Variants in OSBPL3 observed in about 807,000 individuals in gnomAD.
The protein encoded by OSBPL3 is oxysterol-binding protein-related protein 3.
In OSBPL3, 65 loss-of-function variants were observed where a neutral mutation model predicts 120.1. The observed-to-expected ratio is 0.54, with a 90% CI of 0.44 to 0.67. OSBPL3 has a LOEUF of 0.67. OSBPL3 is among the 30% of genes least tolerant of loss of function. The probability of loss-of-function intolerance (pLI) is 0.00; values close to 1 mark genes in which losing one functional copy is unlikely to be tolerated. For synonymous variants in OSBPL3, 416 were observed against 402.6 expected, an observed-to-expected ratio of 1.03 and a Z score of -0.40; for missense variants, 1,004 against 1,082.1, an observed-to-expected ratio of 0.93 and a Z score of 1.01.
At position 24,808,089 on chromosome 7, in the gene OSBPL3, T is replaced by C. The variant is rs1793297196; in HGVS notation, c.2318-1187A>G. Among the ~76,000 whole-genome samples, 1 of 152,134 alleles carries C rather than the reference T, an allele frequency of 6.6e-6. No homozygotes were observed. The highest frequency in any genetic ancestry group is 2.1e-4 in the South Asian group (1 of 4,824). Reference sequence around the variant, plus strand: ...CTAATCTTTGTATTTTTAGTAGAGATGAGATTTTGCCATGTTGTCCAGAGC... The same window carrying C: ...CTAATCTTTGTATTTTTAGTAGAGACGAGATTTTGCCATGTTGTCCAGAGC... On this transcript the variant is annotated intron_variant, in intron 20 of 22. Coordinates refer to ENST00000313367, the MANE Select transcript of OSBPL3 (RefSeq NM_015550.4). This position sits in a 1 kb window ranked among gnomAD's most constrained non-coding sequence, Gnocchi z 4.6.
chr7:24,821,571 C>T lies in OSBPL3; in HGVS notation c.1885-1333G>A, dbSNP rs1357133361. ...GACTGCACGGCTGGGAGGATGTGGT[C>T]ACACACGCCACACCCAGATGTGACT... On this transcript the variant is annotated intron_variant, in intron 16 of 22. Coordinates refer to ENST00000313367, the MANE Select transcript of OSBPL3 (RefSeq NM_015550.4). This position sits in a 1 kb window ranked among gnomAD's most constrained non-coding sequence, Gnocchi z 5.5. Among the ~76,000 whole-genome samples, 1 of 152,138 alleles carries T rather than the reference C, an allele frequency of 6.6e-6. No individual in the cohort carries two copies. The highest frequency in any genetic ancestry group is 1.9e-4 in the East Asian group (1 of 5,184).
In OSBPL3 at chr7:24,947,678, T is replaced by C. The variant is rs1813886130; in HGVS notation, c.-150+32208A>G. On this transcript the variant is annotated intron_variant, in intron 1 of 22. Coordinates refer to ENST00000313367, the MANE Select transcript of OSBPL3 (RefSeq NM_015550.4). The surrounding 1 kb of genome is among the most constrained non-coding windows in gnomAD (Gnocchi z 4.4). ...TTCTGAGTAGATAGCACAGTATTTA[T>C]TGAAATTTGAACATTAGAAATATGC... 6.6e-6 allele frequency among the ~76,000 whole-genome samples: 1 copy of C among 152,170 alleles called. No individual in the cohort carries two copies. The highest frequency in any genetic ancestry group is 2.4e-5 in the African/African-American group (1 of 41,426).
chr7:24,861,296 G>A (rs1182332098), intron 10 of OSBPL3, among the ~76,000 whole-genome samples: 1 of 152,168 alleles, frequency 6.6e-6, no homozygotes, highest in African/African-American at 2.4e-5. Context: ...TAGATAGGCA[G>A]ATTTTAAAAA....
chr7:24,844,494 A>C (rs1275190842), intron 12 of OSBPL3, among the ~76,000 whole-genome samples: 1 of 152,110 alleles, frequency 6.6e-6, no homozygotes, highest in African/African-American at 2.4e-5. Flanking sequence ...GGAAACCCCT[A>C]AATTAAATAA....
chr7:24,969,634 A>G (rs765047402), intron 1 of OSBPL3, among the ~76,000 whole-genome samples: 2 of 152,084 alleles, frequency 1.3e-5, no homozygotes, highest in African/African-American at 2.4e-5. Context: ...GCCTGATTTT[A>G]CCAACACCAT....
rs1379725302 is a variant in OSBPL3, at chr7:24,939,695, T to C, written c.-150+40191A>G. Among the ~76,000 whole-genome samples the C allele has an allele frequency of 1.3e-5, 2 of 152,134 alleles. No homozygotes were observed. The highest frequency in any genetic ancestry group is 4.8e-5 in the African/African-American group (2 of 41,410). ...TTACTTGCAGCCAAAATCACCCTAATAGTCAACAGTATCAAACATTAACAG... is the reference window on the plus strand; with the variant it reads ...TTACTTGCAGCCAAAATCACCCTAACAGTCAACAGTATCAAACATTAACAG... On this transcript the variant is annotated intron_variant, in intron 1 of 22. Transcript: ENST00000313367. This position sits in a 1 kb window ranked among gnomAD's most constrained non-coding sequence, Gnocchi z 4.2.
In OSBPL3 at chr7:24,938,833, GTT is replaced by G. The variant is rs1162993916; in HGVS notation, c.-150+41051_-150+41052del. ...TGTGTGTGTGTGTGTGTGTGTGTGT[GTT>G]TTGAGAGCAAAACTAATGTGGCCAA... On this transcript the variant is annotated intron_variant, in intron 1 of 22. Transcript: ENST00000313367. This position sits in a 1 kb window ranked among gnomAD's most constrained non-coding sequence, Gnocchi z 5.8. Among the ~76,000 whole-genome samples the G allele has an allele frequency of 1.5e-5, 2 of 136,460 alleles. No individual in the cohort carries two copies. Among genetic ancestry groups the G allele is most frequent in the African/African-American group, 5.4e-5 (2 of 36,858 alleles). 89.5% of individuals were successfully genotyped at this position (136,460 alleles called of 152,430 possible). A position where few individuals can be genotyped will look rare whatever the true frequency, so the allele number is the denominator to read the frequency against.
rs1342944076 is a variant in OSBPL3, at chr7:24,854,468, TAAC to T, written c.1028-1837_1028-1835del. ...ATTTAGTGATGGACCTGAAACATCT[TAAC>T]AAAGTCACAACAATTTGTACACACA... On this transcript the variant is annotated intron_variant, in intron 10 of 22. Transcript: ENST00000313367. This position sits in a 1 kb window ranked among gnomAD's most constrained non-coding sequence, Gnocchi z 4.1. 6.7e-6 allele frequency among the ~76,000 whole-genome samples: 1 copy of T among 149,658 alleles called. No individual in the cohort carries two copies. The highest frequency in any genetic ancestry group is 1.5e-5 in the Non-Finnish European group (1 of 67,658).
chr7:24,871,812 A>T lies in OSBPL3; in HGVS notation c.214-17T>A. ...GAAGAATCTCTGTGGGGAAGAAAGT[A>T]TTATTAATTAAGGCATTCAATTTAG... On this transcript the variant is annotated splice_polypyrimidine_tract_variant and intron_variant, in intron 3 of 22. Coordinates refer to ENST00000313367, the MANE Select transcript of OSBPL3 (RefSeq NM_015550.4). This position sits in a 1 kb window ranked among gnomAD's most constrained non-coding sequence, Gnocchi z 4.8. 1 of 1,599,338 alleles carries T rather than the reference A, an allele frequency of 6.3e-7. No individual in the cohort carries two copies. Among genetic ancestry groups the T allele is most frequent in the South Asian group, 1.1e-5 (1 of 90,500 alleles).
chr7:24,919,994 T>TG (rs1810193671), intron 1 of OSBPL3, among the ~76,000 whole-genome samples: 1 of 151,984 alleles, frequency 6.6e-6, no homozygotes, highest in Non-Finnish European at 1.5e-5. Context: ...ATTATTTACT[T>TG]AACAGACAAT....
rs1378756455 is a variant in OSBPL3, at chr7:24,896,026, TAA to T, written c.-149-3407_-149-3406del. Among the ~76,000 whole-genome samples, 2 of 152,306 alleles carry T rather than the reference TAA, an allele frequency of 1.3e-5. No individual in the cohort carries two copies. Among genetic ancestry groups the T allele is most frequent in the South Asian group, 2.1e-4 (1 of 4,834 alleles). On this transcript the variant is annotated intron_variant, in intron 1 of 22. Transcript: ENST00000313367. This position sits in a 1 kb window ranked among gnomAD's most constrained non-coding sequence, Gnocchi z 4.4. ...CTTTTTGCAGATTGCTGTCCCTGAG[TAA>T]ATCTCTCCTGCAAGTACTTGTCAAC...
At chr7:24,888,652 G>T (rs1188222642) in intron 2 of OSBPL3, among the ~76,000 whole-genome samples, 1 of 152,138 alleles carries the variant, frequency 6.6e-6, no homozygotes, top group African/African-American at 2.4e-5. Context: ...AAACACCTAG[G>T]TCTCAATCAT....
In OSBPL3 at chr7:24,922,198, G is replaced by A. The variant is rs1486551018; in HGVS notation, c.-149-29577C>T. On this transcript the variant is annotated intron_variant, in intron 1 of 22. Transcript: ENST00000313367. The surrounding 1 kb of genome is among the most constrained non-coding windows in gnomAD (Gnocchi z 4.3). Reference sequence around the variant, plus strand: ...AAAGACATTATTTAGGTGAGAAACAGAAAATAGAAGGTTAACAAATACAAA... The same window carrying A: ...AAAGACATTATTTAGGTGAGAAACAAAAAATAGAAGGTTAACAAATACAAA... 2.0e-5 allele frequency among the ~76,000 whole-genome samples: 3 copies of A among 152,328 alleles called. 1 individual carries two copies. The South Asian group carries it at 6.2e-4, about 32-fold the overall frequency.
intron 5 of OSBPL3, among the ~76,000 whole-genome samples, chr7:24,868,964 C>T (rs1801738444): frequency 6.6e-6 from 1 of 152,178 alleles, no homozygotes; most frequent in Non-Finnish European, 1.5e-5. Context: ...AGTTCTAGGG[C>T]CGTGGGTGAG....
intron 12 of OSBPL3, among the ~76,000 whole-genome samples, chr7:24,845,894 T>C (rs1219078447): frequency 1.3e-5 from 2 of 152,196 alleles, no homozygotes; most frequent in African/African-American, 4.8e-5. Context: ...TGAGTGCCTA[T>C]AATCCCAGCT....
At chr7:24,973,545 T>C (rs1193060177) in intron 1 of OSBPL3, among the ~76,000 whole-genome samples, 1 of 152,190 alleles carries the variant, frequency 6.6e-6, no homozygotes, top group Non-Finnish European at 1.5e-5. Context: ...CCAGTGAGTC[T>C]TCTGTATTTT....
Position 24,966,608 on chromosome 7 carries a change from C to A in OSBPL3, c.-150+13278G>T, listed in dbSNP as rs930145351. 6.6e-6 allele frequency among the ~76,000 whole-genome samples: 1 copy of A among 152,176 alleles called. No homozygotes were observed. The highest frequency in any genetic ancestry group is 1.5e-5 in the Non-Finnish European group (1 of 68,034). On this transcript the variant is annotated intron_variant, in intron 1 of 22. Coordinates refer to ENST00000313367, the MANE Select transcript of OSBPL3 (RefSeq NM_015550.4). This position sits in a 1 kb window ranked among gnomAD's most constrained non-coding sequence, Gnocchi z 4.8. ...GAGCCATGTTTAGGCCAAAGTCTTT[C>A]CTTTTTGACACCCTATTATTGGTAT...
intron 1 of OSBPL3, among the ~76,000 whole-genome samples, chr7:24,907,664 C>G (rs181633327): frequency 6.6e-6 from 1 of 152,160 alleles, no homozygotes; most frequent in Non-Finnish European, 1.5e-5. Flanking sequence ...CTCCATCTTC[C>G]GAAGATCACT....
At chr7:24,832,917 C>G (rs2128175933) in intron 15 of OSBPL3, among the ~76,000 whole-genome samples, 1 of 152,268 alleles carries the variant, frequency 6.6e-6, no homozygotes, top group Admixed American at 6.5e-5. Context: ...AGCCTCTCCT[C>G]AAACCTCTGC....
Sources: allele counts gnomAD v4.1 joint callset (sites outside exome capture counted in the v4.1 genomes callset), GRCh38; gene constraint gnomAD v4.1.1; non-coding constraint Gnocchi (gnomAD v3.1); transcripts MANE v1.5; gene names NCBI Gene and HGNC (gene_info 2026-07-23, HGNC 2026-07-21).